ADCY2: variants seen among roughly 807,000 people sequenced by gnomAD.
ADCY2 encodes adenylate cyclase 2.
ADCY2 carries 31 observed loss-of-function variants against 125.2 expected under a neutral mutation model. The ratio of observed to expected loss-of-function variants is 0.25; its 90% CI spans 0.19 to 0.33. The LOEUF (loss-of-function observed/expected upper bound fraction) is 0.33, where lower values mean the gene tolerates loss of function less well. Ranked by LOEUF, ADCY2 falls within the 10% of genes least tolerant of loss-of-function variation. The probability of loss-of-function intolerance (pLI) is 1.00; values close to 1 mark genes in which losing one functional copy is unlikely to be tolerated. For missense variants in ADCY2, 904 were observed against 1,418.2 expected (o/e 0.64, Z 5.82); for synonymous variants, 512 against 548.4 (o/e 0.93, Z 0.93).
Position 7,698,255 on chromosome 5 carries a change from A to G in ADCY2, c.990A>G (p.Glu330=). Residue 330 remains glutamate (E), a synonymous_variant, in exon 7 of 25, where the codon GAA becomes GAG. Transcript: ENST00000338316. ...GKFDQIAKEN[E]CMRIKILGDC... ...GTAATTTATTCTTCCAGGAGAATGA[A>G]TGCATGAGAATTAAAATTTTAGGAG... 1.2e-6 allele frequency: 2 copies of G among 1,614,052 alleles called. No individual in the cohort carries two copies.
intron 4 of ADCY2, among the ~76,000 whole-genome samples, chr5:7,646,291 A>G (rs7700862): frequency 0.17 from 25,975 of 150,916 alleles, 2,379 homozygotes; most frequent in South Asian, 0.22. Flanking sequence ...GGTAATGGAC[A>G]TATTTTCTAG....
chr5:7,671,172 T>C (rs1349725967), intron 4 of ADCY2, among the ~76,000 whole-genome samples: 1 of 152,212 alleles, frequency 6.6e-6, no homozygotes, highest in Non-Finnish European at 1.5e-5. Flanking sequence ...ATCTTCTTTA[T>C]TTGTATAACA....
At chr5:7,503,602 C>T (rs1743681092) in intron 2 of ADCY2, among the ~76,000 whole-genome samples, 1 of 152,188 alleles carries the variant, frequency 6.6e-6, no homozygotes, top group Non-Finnish European at 1.5e-5. Context: ...GGACAAGGTG[C>T]TTCACCTCTG....
At chr5:7,589,528 A>AAGAAAGAAAAGAAAAGAAAG (rs1736778855) in intron 3 of ADCY2, among the ~76,000 whole-genome samples, 21 of 132,642 alleles carry the variant, frequency 1.6e-4, no homozygotes, top group South Asian at 4.9e-4. Flanking sequence ...AAGAAAGAGA[A>AAGAAAGAAAAGAAAAGAAAG]AGAAAGAAAG....
At chr5:7,812,105 C>T (rs1165171520) in intron 22 of ADCY2, among the ~76,000 whole-genome samples, 1 of 152,146 alleles carries the variant, frequency 6.6e-6, no homozygotes, top group Non-Finnish European at 1.5e-5. Flanking sequence ...AGGAGTCATA[C>T]AGAGACCGTC....
At chr5:7,566,912 A>G (rs1466714910) in intron 3 of ADCY2, among the ~76,000 whole-genome samples, 1 of 152,212 alleles carries the variant, frequency 6.6e-6, no homozygotes, top group Non-Finnish European at 1.5e-5. Context: ...AGTGTTCATT[A>G]TAGTTTATTT....
At chr5:7,590,577 A>G (rs1736822752) in intron 3 of ADCY2, among the ~76,000 whole-genome samples, 1 of 152,176 alleles carries the variant, frequency 6.6e-6, no homozygotes, top group African/African-American at 2.4e-5. Flanking sequence ...TGTTAAAAAA[A>G]AAAAAGCAAG....
At chr5:7,525,786 C>T (rs373989091) in intron 3 of ADCY2, among the ~76,000 whole-genome samples, 14 of 152,136 alleles carry the variant, frequency 9.2e-5, no homozygotes, top group Non-Finnish European at 1.6e-4. Flanking sequence ...CTTGATCAAC[C>T]GTAAAAAATA....
At chr5:7,695,129 G>A (rs756706862) in intron 5 of ADCY2, among the ~76,000 whole-genome samples, 27 of 152,200 alleles carry the variant, frequency 1.8e-4, no homozygotes, top group Admixed American at 5.2e-4. Flanking sequence ...CACAGGTGCT[G>A]TGTTTTCCTA....
chr5:7,726,222 T>G (rs1741925830), intron 13 of ADCY2, among the ~76,000 whole-genome samples: 2 of 152,212 alleles, frequency 1.3e-5, no homozygotes, highest in South Asian at 4.1e-4. Context: ...TCCTTTAATT[T>G]TACCATACAA....
intron 20 of ADCY2, chr5:7,794,928 T>G (rs747713279): frequency 6.6e-6 from 1 of 152,102 alleles, no homozygotes; most frequent in Non-Finnish European, 1.5e-5. Context: ...ACATCCTGCC[T>G]GAGCTCTTTT....
At chr5:7,541,887 A>T (rs4235579) in intron 3 of ADCY2, among the ~76,000 whole-genome samples, 151,209 of 152,372 alleles carry the variant, frequency 0.99, 75,038 homozygotes, top group Middle Eastern at 1. Flanking sequence ...AGCCTCTATC[A>T]TAATGTTGTT....
chr5:7,517,906 A>G (rs867390794), intron 2 of ADCY2, among the ~76,000 whole-genome samples: 1 of 152,352 alleles, frequency 6.6e-6, no homozygotes, highest in Middle Eastern at 3.4e-3. Flanking sequence ...ATATGTAATC[A>G]TAAAAGAGAG....
At chr5:7,584,370 A>C (rs1309591519) in intron 3 of ADCY2, among the ~76,000 whole-genome samples, 1 of 152,134 alleles carries the variant, frequency 6.6e-6, no homozygotes, top group Non-Finnish European at 1.5e-5. Flanking sequence ...AAAACATGAC[A>C]GAACACTTCA....
At chr5:7,674,893 C>A (rs1057026010) in intron 4 of ADCY2, among the ~76,000 whole-genome samples, 18 of 152,248 alleles carry the variant, frequency 1.2e-4, no homozygotes, top group African/African-American at 4.3e-4. Context: ...CGGTGGCTCA[C>A]GCCTGTAATC....
chr5:7,718,059 A>AT (rs1371996579), intron 12 of ADCY2, among the ~76,000 whole-genome samples: 1 of 151,242 alleles, frequency 6.6e-6, no homozygotes, highest in African/African-American at 2.4e-5. Context: ...AGTGTAAATG[A>AT]TTTTCACCTA....
chr5:7,784,020 G>C (rs890266222), intron 18 of ADCY2, among the ~76,000 whole-genome samples: 2 of 152,120 alleles, frequency 1.3e-5, no homozygotes, highest in Non-Finnish European at 2.9e-5. Flanking sequence ...GTCTCTTTCC[G>C]AGAGTAATGA....
chr5:7,781,212 A>C (rs1743913904), intron 18 of ADCY2, among the ~76,000 whole-genome samples: 1 of 152,106 alleles, frequency 6.6e-6, no homozygotes, highest in African/African-American at 2.4e-5. Flanking sequence ...AGAGAGAGGG[A>C]GGAGAGAGAG....
At chr5:7,708,596 A>C (rs1426335063) in intron 9 of ADCY2, among the ~76,000 whole-genome samples, 3 of 152,226 alleles carry the variant, frequency 2.0e-5, no homozygotes, top group Non-Finnish European at 2.9e-5. Flanking sequence ...AATATCAGCA[A>C]GAAAGACCTC....
Sources: allele counts gnomAD v4.1 joint callset (sites outside exome capture counted in the v4.1 genomes callset), GRCh38; gene constraint gnomAD v4.1.1; transcripts MANE v1.5; gene names NCBI Gene and HGNC (gene_info 2026-07-23, HGNC 2026-07-21).